The following MGAT4C variants were observed in gnomAD, a reference collection of about 807,000 sequenced individuals.
MGAT4C encodes MGAT4 family member C.
Under a neutral mutation model 40.1 loss-of-function variants are expected in MGAT4C, and 19 were observed. That is an observed-to-expected ratio of 0.47 (90% CI 0.33 to 0.70). MGAT4C has a LOEUF of 0.70. MGAT4C is among the 30% of genes least tolerant of loss of function. MGAT4C has a pLI of 0.02. For synonymous variants in MGAT4C, 181 were observed against 187.1 expected (o/e 0.97, Z 0.27); for missense variants, 491 against 563.2 (o/e 0.87, Z 1.30).
chr12:86,212,929 C>T (rs1454924412), intron 1 of MGAT4C, among the ~76,000 whole-genome samples: 2 of 134,874 alleles, frequency 1.5e-5, no homozygotes, highest in Non-Finnish European at 3.1e-5. Flanking sequence ...AAAGAACACT[C>T]ATTAACTGTT....
Position 85,972,634 on chromosome 12 carries a change from C to T in MGAT4C, c.*6655G>A, listed in dbSNP as rs974500747. ...TATCGTCACATGGTCCTTTAGTGAC[C>T]AAAAATGCACAGTTGTAAGAATGCA... is the stretch of plus-strand genomic sequence containing the variant. On this transcript the variant is annotated 3_prime_UTR_variant, in exon 5 of 5. Coordinates refer to ENST00000611864, the MANE Select transcript of MGAT4C (RefSeq NM_001351288.2). 6.6e-6 allele frequency: 1 copy of T among 150,708 alleles called. No homozygotes were observed. The highest frequency in any genetic ancestry group is 1.5e-5 in the Non-Finnish European group (1 of 67,132). 9.3% of individuals were successfully genotyped at this position (150,708 alleles called of 1,614,324 possible).
intron 1 of MGAT4C, among the ~76,000 whole-genome samples, chr12:86,738,737 T>C (rs1951021169): frequency 6.6e-6 from 1 of 151,302 alleles, no homozygotes; most frequent in Admixed American, 6.6e-5. Flanking sequence ...CATATGTCTA[T>C]GCATTTCAAT....
chr12:86,822,037 GACA>G (rs1342224776), intron 1 of MGAT4C, among the ~76,000 whole-genome samples: 7 of 150,924 alleles, frequency 4.6e-5, no homozygotes, highest in Admixed American at 3.3e-4. Flanking sequence ...TATAAATTAT[GACA>G]ACAATAATAT....
intron 2 of MGAT4C, among the ~76,000 whole-genome samples, chr12:86,700,622 T>G (rs1483017417): frequency 6.6e-6 from 1 of 152,140 alleles, no homozygotes; most frequent in Non-Finnish European, 1.5e-5. Context: ...TAGAGTTACA[T>G]CTATATCTAC....
At chr12:86,550,945 A>G (rs369773370) in intron 2 of MGAT4C, among the ~76,000 whole-genome samples, 2 of 152,300 alleles carry the variant, frequency 1.3e-5, no homozygotes, top group East Asian at 3.9e-4. Context: ...GTGGGTGCCT[A>G]TAATCAGGGC....
chr12:86,567,424 G>A (rs148644908), intron 2 of MGAT4C, among the ~76,000 whole-genome samples: 21 of 152,246 alleles, frequency 1.4e-4, no homozygotes, highest in African/African-American at 4.8e-4. Flanking sequence ...AAGAGTTACA[G>A]TGTTGGCTAG....
intron 4 of MGAT4C, among the ~76,000 whole-genome samples, chr12:85,981,783 C>T (rs938085878): frequency 1.3e-5 from 2 of 152,140 alleles, no homozygotes; most frequent in African/African-American, 4.8e-5. Flanking sequence ...GGTGATGCTG[C>T]AACAGGATTC....
chr12:86,010,686 AAACAAACC>A (rs377282360), intron 2 of MGAT4C, among the ~76,000 whole-genome samples: 149 of 82,914 alleles, frequency 1.8e-3, no homozygotes, highest in African/African-American at 5.0e-3. Flanking sequence ...TCTAACAAAC[AAACAAACC>A]AACAAACAAA....
chr12:86,159,622 A>T (rs1038915413), intron 1 of MGAT4C, among the ~76,000 whole-genome samples: 1 of 151,930 alleles, frequency 6.6e-6, no homozygotes, highest in African/African-American at 2.4e-5. Context: ...CTTTTTATAC[A>T]TCTGGTAGAA....
At chr12:86,596,554 T>C (rs2136454633) in intron 2 of MGAT4C, among the ~76,000 whole-genome samples, 1 of 152,288 alleles carries the variant, frequency 6.6e-6, no homozygotes, top group South Asian at 2.1e-4. Context: ...AAGCTTACTT[T>C]TTGGCTTTTG....
chr12:86,204,003 C>G (rs1950157545), intron 1 of MGAT4C, among the ~76,000 whole-genome samples: 1 of 138,900 alleles, frequency 7.2e-6, no homozygotes. Context: ...TGCCTTATAG[C>G]TAACTTCTAG....
At chr12:86,691,329 G>C (rs945788413) in intron 2 of MGAT4C, among the ~76,000 whole-genome samples, 2 of 152,166 alleles carry the variant, frequency 1.3e-5, no homozygotes, top group African/African-American at 4.8e-5. Context: ...TAATCTCAGA[G>C]TATAAAAGTT....
chr12:86,444,968 A>C (rs935469933), intron 2 of MGAT4C, among the ~76,000 whole-genome samples: 2 of 152,236 alleles, frequency 1.3e-5, no homozygotes, highest in African/African-American at 4.8e-5. Flanking sequence ...GATTCTAAAA[A>C]TGCAAACTTA....
intron 3 of MGAT4C, among the ~76,000 whole-genome samples, chr12:86,408,891 T>A (rs1956545109): frequency 1.3e-5 from 2 of 152,090 alleles, no homozygotes; most frequent in South Asian, 4.1e-4. Context: ...TATTTAAGTT[T>A]TAGAAATGGT....
chr12:86,174,989 A>T lies in MGAT4C; in HGVS notation c.-57+81250T>A, dbSNP rs572365904. Among the ~76,000 whole-genome samples, 34 of 152,244 alleles carry T rather than the reference A, an allele frequency of 2.2e-4. No individual in the cohort carries two copies. The East Asian group carries it at 3.1e-3, about 14-fold the overall frequency. On this transcript the variant is annotated intron_variant, in intron 1 of 4. Transcript: ENST00000611864. ...GATTTCAAGATATATCTGCTGATAAATAGAATTGCCATGTATAGCATAAAT... is the reference window on the plus strand; with the variant it reads ...GATTTCAAGATATATCTGCTGATAATTAGAATTGCCATGTATAGCATAAAT...
intron 2 of MGAT4C, among the ~76,000 whole-genome samples, chr12:86,679,746 C>G (rs1049363611): frequency 1.3e-5 from 2 of 152,056 alleles, no homozygotes; most frequent in African/African-American, 4.8e-5. Flanking sequence ...AGAAGTGGAA[C>G]CTCTAAAGAT....
intron 2 of MGAT4C, among the ~76,000 whole-genome samples, chr12:86,014,570 T>G (rs909514882): frequency 3.3e-5 from 5 of 152,052 alleles, no homozygotes; most frequent in Admixed American, 3.3e-4. Flanking sequence ...TGTTCAGAGC[T>G]CGAGGGGGAG....
intron 3 of MGAT4C, among the ~76,000 whole-genome samples, chr12:86,371,217 T>G (rs1261203635): frequency 5.3e-5 from 8 of 151,988 alleles, no homozygotes; most frequent in Admixed American, 2.0e-4. Context: ...CACCAAGACT[T>G]TCTGTCTATT....
Position 86,151,419 on chromosome 12 carries a change from T to C in MGAT4C, c.-56-101696A>G, listed in dbSNP as rs541093709. 2.6e-5 allele frequency among the ~76,000 whole-genome samples: 4 copies of C among 152,274 alleles called. No individual in the cohort carries two copies. In the South Asian group the frequency reaches 6.2e-4, roughly 24 times the overall value. On this transcript the variant is annotated intron_variant, in intron 1 of 4. Transcript: ENST00000611864. ...CGACGTCAGGAGATCAAGACCATCCTGGCTAACACGGTGAAACCCCGTCTC... is the reference window on the plus strand; with the variant it reads ...CGACGTCAGGAGATCAAGACCATCCCGGCTAACACGGTGAAACCCCGTCTC...
Sources: gnomAD v4.1 joint callset for allele counts (sites outside exome capture counted in the v4.1 genomes callset) on GRCh38, gnomAD v4.1.1 for gene constraint, MANE v1.5 for transcripts, NCBI Gene and HGNC (gene_info 2026-07-23, HGNC 2026-07-21) for gene names.